KHDC1: variants seen among roughly 807,000 people sequenced by gnomAD.
The protein encoded by KHDC1 is KH domain containing 1.
In KHDC1, 21 loss-of-function variants were observed where a neutral mutation model predicts 24.7. The ratio of observed to expected loss-of-function variants is 0.85; its 90% CI spans 0.60 to 1.23. The LOEUF is 1.23. KHDC1 is among the 50% of genes most tolerant of loss of function. KHDC1 has a pLI of 0.00. For synonymous variants in KHDC1, 98 were observed against 111.7 expected, an observed-to-expected ratio of 0.88 and a Z score of 0.77; for missense variants, 274 against 298.5, an observed-to-expected ratio of 0.92 and a Z score of 0.61.
chr6:73,290,670 G>A (rs1388571606), intron 2 of KHDC1: 2 of 472,390 alleles, frequency 4.2e-6, no homozygotes, highest in Non-Finnish European at 8.3e-6. Flanking sequence ...GGGCTGTGCT[G>A]AAGTTTGCTG....
chr6:73,250,641 C>A (rs772241655), intron 2 of KHDC1, among the ~76,000 whole-genome samples: 1 of 152,236 alleles, frequency 6.6e-6, no homozygotes, highest in East Asian at 1.9e-4. Context: ...CTGTTCAAAT[C>A]ATGCTACATG....
At chr6:73,251,550 A>T (rs960812661) in intron 2 of KHDC1, among the ~76,000 whole-genome samples, 4 of 152,230 alleles carry the variant, frequency 2.6e-5, no homozygotes, top group African/African-American at 9.6e-5. Flanking sequence ...ATGCATAAAA[A>T]GTTTCAGTCC....
chr6:73,297,607 A>G (rs1426480317), intron 1 of KHDC1, among the ~76,000 whole-genome samples: 1 of 152,190 alleles, frequency 6.6e-6, no homozygotes, highest in Non-Finnish European at 1.5e-5. Context: ...AGGTTGAACC[A>G]ATTTATATAC....
intron 2 of KHDC1, among the ~76,000 whole-genome samples, chr6:73,261,491 C>A (rs954084219): frequency 6.6e-6 from 1 of 151,878 alleles, no homozygotes; most frequent in Non-Finnish European, 1.5e-5. Context: ...ACTCTAGGAC[C>A]AGGCACAGTG....
chr6:73,297,964 G>A (rs371935081), intron 1 of KHDC1, among the ~76,000 whole-genome samples: 17 of 152,052 alleles, frequency 1.1e-4, no homozygotes, highest in African/African-American at 3.1e-4. Flanking sequence ...TGGCAAAACC[G>A]CAGATCACAT....
At chr6:73,279,907 G>A (rs1313696178) in intron 2 of KHDC1, among the ~76,000 whole-genome samples, 1 of 151,962 alleles carries the variant, frequency 6.6e-6, no homozygotes, top group Non-Finnish European at 1.5e-5. Flanking sequence ...ATTATTGTAA[G>A]GTACTGTTGG....
At chr6:73,247,622 G>A (rs1000559177) in intron 2 of KHDC1, among the ~76,000 whole-genome samples, 10 of 152,062 alleles carry the variant, frequency 6.6e-5, no homozygotes, top group Non-Finnish European at 1.5e-4. Flanking sequence ...TTGGGAGGCT[G>A]AGGCAGGCAG....
chr6:73,273,605 A>G lies in KHDC1; in HGVS notation c.206+18393T>C, dbSNP rs990818096. Among the ~76,000 whole-genome samples, 4 of 151,360 alleles carry G rather than the reference A, an allele frequency of 2.6e-5. No homozygotes were observed. The South Asian group carries it at 8.5e-4, about 32-fold the overall frequency. ...GCCAAGGTAAGCAGATCATGAGGTC[A>G]GGAGATCGAGACCATCCTGGCTAAC... On this transcript the variant is annotated intron_variant, in intron 2 of 4. Coordinates refer to ENST00000370384, the Ensembl canonical transcript of KHDC1.
intron 1 of KHDC1, chr6:73,292,392 A>T (rs899545392): frequency 2.6e-6 from 2 of 781,490 alleles, no homozygotes; most frequent in Non-Finnish European, 4.8e-6. Context: ...TGTGGGAATT[A>T]CTCAGGAGCA....
chr6:73,246,212 C>G lies in KHDC1; in HGVS notation c.207-3682G>C, dbSNP rs545632547. Among the ~76,000 whole-genome samples, 219 of 152,192 alleles carry G rather than the reference C, an allele frequency of 1.4e-3. 1 individual carries two copies. The highest frequency in any genetic ancestry group is 5.0e-3 in the African/African-American group (206 of 41,528). On this transcript the variant is annotated intron_variant, in intron 2 of 4. Transcript: ENST00000370384. ...TTTGTTTGTTTTAAGCAGGCGCCTC[C>G]ACCACTCAGAAATATTACCTCTTTT...
At chr6:73,289,020 GAC>G (rs1767576537) in intron 2 of KHDC1, among the ~76,000 whole-genome samples, 1 of 152,078 alleles carries the variant, frequency 6.6e-6, no homozygotes, top group East Asian at 1.9e-4. Flanking sequence ...GCCACAGACA[GAC>G]AAATGGATTA....
chr6:73,285,334 CT>C lies in KHDC1; in HGVS notation c.206+6663del, dbSNP rs750881240. Among the ~76,000 whole-genome samples the C allele has an allele frequency of 6.2e-3, 873 of 141,780 alleles. 6 individuals are homozygous for C. Among genetic ancestry groups the C allele is most frequent in the Admixed American group, 5.6e-3 (79 of 14,042 alleles). The allele number at this position is 141,780 out of a possible 152,430, so 93.0% of individuals were successfully genotyped here. On this transcript the variant is annotated intron_variant, in intron 2 of 4. Transcript: ENST00000370384. ...CTTATTCATGCTTATCATGACTCTT[CT>C]TTTTTTTTTTTTTTAAGATGGAATC...
At chr6:73,290,753 C>T (rs1204961930) in intron 2 of KHDC1, 1 of 351,870 alleles carries the variant, frequency 2.8e-6, no homozygotes, top group East Asian at 7.2e-5. Flanking sequence ...CAATCATCTT[C>T]TGCCACCCAC....
At chr6:73,294,115 C>T (rs534262779) in intron 1 of KHDC1, among the ~76,000 whole-genome samples, 1 of 131,498 alleles carries the variant, frequency 7.6e-6, no homozygotes, top group South Asian at 2.6e-4. Flanking sequence ...AAGACTGTCT[C>T]GAGACAAAAC....
chr6:73,244,971 A>G (rs1369652150), intron 2 of KHDC1, among the ~76,000 whole-genome samples: 2 of 152,192 alleles, frequency 1.3e-5, no homozygotes, highest in Non-Finnish European at 2.9e-5. Flanking sequence ...ATAGTCTGCG[A>G]AAAAAGCACA....
intron 2 of KHDC1, among the ~76,000 whole-genome samples, chr6:73,289,874 G>T (rs1767608068): frequency 6.6e-6 from 1 of 151,976 alleles, no homozygotes; most frequent in Admixed American, 6.6e-5. Context: ...GCCGAGGCGG[G>T]TGGATCATGA....
chr6:73,242,791 T>C (rs1186704411), intron 2 of KHDC1, among the ~76,000 whole-genome samples: 1 of 152,142 alleles, frequency 6.6e-6, no homozygotes, highest in African/African-American at 2.4e-5. Flanking sequence ...AAATTTTTTC[T>C]TCATTCTAAA....
intron 2 of KHDC1, among the ~76,000 whole-genome samples, chr6:73,285,505 T>C (rs1452317180): frequency 1.3e-5 from 2 of 152,084 alleles, no homozygotes; most frequent in African/African-American, 4.8e-5. Context: ...CTAATTTTTG[T>C]ATTTTTTTAG....
intron 2 of KHDC1, among the ~76,000 whole-genome samples, chr6:73,273,534 G>T (rs1480525248): frequency 2.0e-5 from 3 of 151,090 alleles, no homozygotes; most frequent in South Asian, 4.2e-4. Flanking sequence ...AGCCAGGCAC[G>T]GGCCGGGCGC....
Sources: gnomAD v4.1 joint callset for allele counts (sites outside exome capture counted in the v4.1 genomes callset) on GRCh38, gnomAD v4.1.1 for gene constraint, MANE v1.5 for transcripts, NCBI Gene and HGNC (gene_info 2026-07-23, HGNC 2026-07-21) for gene names.